LRCH1: variants seen among roughly 807,000 people sequenced by gnomAD.
LRCH1 encodes leucine rich repeats and calponin homology domain containing 1, also known as leucine-rich repeat and calponin homology domain-containing protein 1.
Under a neutral mutation model 94.9 loss-of-function variants are expected in LRCH1, and 23 were observed. The observed-to-expected ratio is 0.24, with a 90% CI of 0.17 to 0.34. LRCH1 has a LOEUF of 0.34. Among genes scored for constraint, LRCH1 ranks in the 10% least tolerant of loss-of-function variants. LRCH1 has a pLI of 1.00. For missense variants in LRCH1, 790 were observed against 945.9 expected (o/e 0.84, Z 2.16); for synonymous variants, 364 against 354.9 (o/e 1.03, Z -0.29).
intron 2 of LRCH1, among the ~76,000 whole-genome samples, chr13:46,658,002 G>A (rs2051398526): frequency 6.6e-6 from 1 of 151,980 alleles, no homozygotes. Context: ...ACATTTTATA[G>A]GTCACTAAGC....
rs990213352 is a variant in LRCH1, at chr13:46,553,591, C to T, written c.195C>T (p.Arg65=). The change falls in exon 1 of 20, where the codon CGC becomes CGT. Residue 65 remains arginine, a synonymous_variant. Transcript: ENST00000389797. The stretch of plus-strand genomic sequence containing the variant: ...TGCCCTTGAACCGGGGTCTGGAGCG[C>T]GCGCTTGAGGAGGCGGCCAACTCCG... ...FNLPLNRGLE[R]ALEEAANSGG... is the part of the protein sequence containing the mutation. 3 of 1,556,764 alleles carry T rather than the reference C, an allele frequency of 1.9e-6. No individual in the cohort carries two copies. The highest frequency in any genetic ancestry group is 2.7e-5 in the African/African-American group (2 of 73,308).
intron 15 of LRCH1, 42 bp downstream of exon 15, chr13:46,712,639 T>A: frequency 1.3e-6 from 2 of 1,522,912 alleles, no homozygotes; most frequent in Non-Finnish European, 1.8e-6. Context: ...AAATAACTCA[T>A]TGCTTTCTCT....
chr13:46,715,460 C>T, intron 15 of LRCH1, 100 bp from the exon 16 acceptor site: 1 of 675,256 alleles, frequency 1.5e-6, no homozygotes, highest in Non-Finnish European at 2.7e-6. Context: ...CTCTTCATTT[C>T]CATGCAAACC....
chr13:46,652,185 T>TA (rs1236667294), intron 2 of LRCH1, among the ~76,000 whole-genome samples: 1 of 151,972 alleles, frequency 6.6e-6, no homozygotes, highest in African/African-American at 2.4e-5. Flanking sequence ...CACGCCGTTC[T>TA]ACTGCCTCAG....
intron 1 of LRCH1, among the ~76,000 whole-genome samples, chr13:46,643,111 A>G (rs1450131535): frequency 3.9e-5 from 6 of 152,136 alleles, no homozygotes; most frequent in African/African-American, 1.4e-4. Flanking sequence ...TCTTTCTGTC[A>G]CTCAGACCCT....
At chr13:46,692,193 CAGAG>C (rs879581369) in intron 7 of LRCH1, among the ~76,000 whole-genome samples, 1 of 152,144 alleles carries the variant, frequency 6.6e-6, no homozygotes, top group African/African-American at 2.4e-5. Context: ...CAGCTTAAAA[CAGAG>C]AGAAGAAAAC....
intron 1 of LRCH1, among the ~76,000 whole-genome samples, chr13:46,560,898 T>C (rs2050123050): frequency 6.6e-6 from 1 of 152,186 alleles, no homozygotes; most frequent in African/African-American, 2.4e-5. Context: ...GGAAACCATC[T>C]CCTCCCATAA....
At chr13:46,593,109 T>C (rs745327050) in intron 1 of LRCH1, among the ~76,000 whole-genome samples, 6 of 151,940 alleles carry the variant, frequency 3.9e-5, no homozygotes, top group South Asian at 2.1e-4. Flanking sequence ...TATTTATAGC[T>C]GTTTTGAAAC....
chr13:46,631,542 C>G (rs148738298), intron 1 of LRCH1, among the ~76,000 whole-genome samples: 1 of 152,248 alleles, frequency 6.6e-6, no homozygotes, highest in African/African-American at 2.4e-5. Flanking sequence ...GACTCTGAAG[C>G]TAGAGAACTT....
rs969969931 is a variant in LRCH1 at position 46,695,026 on chromosome 13, T to C, written c.1245+9T>C. 1.2e-6 allele frequency: 2 copies of C among 1,611,906 alleles called. No homozygotes were observed. The highest frequency in any genetic ancestry group is 1.7e-6 in the Non-Finnish European group (2 of 1,179,292). On this transcript the variant is annotated intron_variant, in intron 9 of 19. Coordinates refer to ENST00000389797, the MANE Select transcript of LRCH1 (RefSeq NM_001164211.2). ...AATTTATGAACTATAAGGCAAGATT[T>C]TCAGGATCAACTACGTTTTTTTACT...
chr13:46,730,702 C>G (rs1437197289), intron 18 of LRCH1, among the ~76,000 whole-genome samples: 1 of 152,166 alleles, frequency 6.6e-6, no homozygotes, highest in Non-Finnish European at 1.5e-5. Context: ...GTTCCATGAT[C>G]CAATATGAAA....
At chr13:46,597,406 G>A (rs1441145007) in intron 1 of LRCH1, among the ~76,000 whole-genome samples, 2 of 151,948 alleles carry the variant, frequency 1.3e-5, no homozygotes, top group Non-Finnish European at 2.9e-5. Context: ...GCCCAGGCTG[G>A]AGTGCAGTGG....
chr13:46,636,294 A>G (rs958834181), intron 1 of LRCH1, among the ~76,000 whole-genome samples: 28 of 149,296 alleles, frequency 1.9e-4, no homozygotes, highest in Non-Finnish European at 3.3e-4. Flanking sequence ...CTGGTCTTGA[A>G]CTCCTGACCT....
intron 2 of LRCH1, among the ~76,000 whole-genome samples, chr13:46,654,633 TTTTGATGTATGGGG>T (rs1307721010): frequency 6.6e-6 from 1 of 152,208 alleles, no homozygotes; most frequent in East Asian, 1.9e-4. Context: ...TTATCATTAA[TTTTGATGTATGGGG>T]AAGTCGGTGT....
At chr13:46,650,953 A>G (rs2051289423) in intron 2 of LRCH1, among the ~76,000 whole-genome samples, 1 of 152,200 alleles carries the variant, frequency 6.6e-6, no homozygotes, top group Admixed American at 6.5e-5. Flanking sequence ...TTGATTGATT[A>G]TGCACAACAT....
chr13:46,710,170 A>G (rs1871984939), intron 13 of LRCH1, among the ~76,000 whole-genome samples: 1 of 152,148 alleles, frequency 6.6e-6, no homozygotes, highest in Non-Finnish European at 1.5e-5. Flanking sequence ...TAGATGTTGA[A>G]AAATTTGCAG....
chr13:46,568,738 A>G (rs1194843716), intron 1 of LRCH1, among the ~76,000 whole-genome samples: 1 of 152,218 alleles, frequency 6.6e-6, no homozygotes, highest in Non-Finnish European at 1.5e-5. Flanking sequence ...GAAGGGGTGC[A>G]GAGAGGATGG....
intron 11 of LRCH1, among the ~76,000 whole-genome samples, chr13:46,704,605 T>G (rs842388): frequency 0.8 from 121,354 of 151,970 alleles, 48,696 homozygotes; most frequent in African/African-American, 0.89. Flanking sequence ...TAGAAACTGT[T>G]TGAGACTATT....
intron 2 of LRCH1, among the ~76,000 whole-genome samples, chr13:46,650,722 C>CAAAA (rs756410319): frequency 8.6e-4 from 50 of 57,984 alleles, no homozygotes; most frequent in Middle Eastern, 0.01. Context: ...AAACAAGGAG[C>CAAAA]AAAAAAAAAA....
Sources: allele counts gnomAD v4.1 joint callset (sites outside exome capture counted in the v4.1 genomes callset), GRCh38; gene constraint gnomAD v4.1.1; transcripts MANE v1.5; gene names NCBI Gene and HGNC (gene_info 2026-07-23, HGNC 2026-07-21).